Variants in PCDHA8 observed in about 807,000 individuals in gnomAD.
The protein encoded by PCDHA8 is protocadherin alpha 8, also known as protocadherin alpha-8.
Under a neutral mutation model 61.8 loss-of-function variants are expected in PCDHA8, and 53 were observed. That is an observed-to-expected ratio of 0.86 (90% CI 0.69 to 1.08). PCDHA8 has a LOEUF of 1.08. Ranked by LOEUF, PCDHA8 falls within the 50% of genes least tolerant of loss-of-function variation. PCDHA8 has a pLI of 0.00. For synonymous variants in PCDHA8, 618 were observed against 556.6 expected (o/e 1.11, Z -1.55); for missense variants, 1,293 against 1,245.0 (o/e 1.04, Z -0.58).
At position 141,011,465 on chromosome 5, in the gene PCDHA8, G is replaced by A. The variant is rs2098420693; in HGVS notation, c.*1528G>A. ...TGAACTTTAAGCTTTATTGTTGAAT[G>A]TAATTCCATTATATTTCCTTTTGTA... On this transcript the variant is annotated 3_prime_UTR_variant, in exon 4 of 4. Transcript: ENST00000531613. The A allele has an allele frequency of 6.5e-6, 1 of 153,770 alleles. No individual in the cohort carries two copies. The highest frequency in any genetic ancestry group is 2.4e-5 in the African/African-American group (1 of 41,452). The allele number at this position is 153,770 out of a possible 1,614,324, so 9.5% of individuals were successfully genotyped here.
chr5:140,988,512 T>TCC (rs2097301181), intron 3 of PCDHA8, among the ~76,000 whole-genome samples: 1 of 152,218 alleles, frequency 6.6e-6, no homozygotes, highest in Non-Finnish European at 1.5e-5. Flanking sequence ...TGAAGCTTAC[T>TCC]TAAGTCTCTG....
intron 1 of PCDHA8, among the ~76,000 whole-genome samples, chr5:140,947,744 TG>T (rs1227312993): frequency 6.6e-6 from 1 of 151,630 alleles, no homozygotes; most frequent in Non-Finnish European, 1.5e-5. Flanking sequence ...CCTATTCTTA[TG>T]TATTTTATGG....
Position 140,846,597 on chromosome 5 carries a change from A to C in PCDHA8, c.2394+2882A>C, listed in dbSNP as rs2150392674. 8.1e-5 allele frequency among the ~76,000 whole-genome samples: 12 copies of C among 148,550 alleles called. 1 individual carries two copies. The East Asian group carries it at 2.3e-3, about 29-fold the overall frequency. On this transcript the variant is annotated intron_variant, in intron 1 of 3. Coordinates refer to ENST00000531613, the MANE Select transcript of PCDHA8 (RefSeq NM_018911.3). ...CACCATGTTAGCCAGGATGGTCTCG[A>C]TCTCCTGACCTCCTGATCCGCCCAC...
At chr5:141,002,589 TC>T (rs1157810975) in intron 3 of PCDHA8, among the ~76,000 whole-genome samples, 1 of 152,140 alleles carries the variant, frequency 6.6e-6, no homozygotes, top group African/African-American at 2.4e-5. Context: ...TAGTCCTTAG[TC>T]CCCTCATCTA....
At chr5:140,861,758 T>C (rs1469300232) in intron 1 of PCDHA8, 1 of 93,472 alleles carries the variant, frequency 1.1e-5, no homozygotes, top group African/African-American at 4.7e-5. Context: ...TGATTATTTT[T>C]CCCTGGAAAT....
At chr5:140,919,387 G>A (rs180927321) in intron 1 of PCDHA8, among the ~76,000 whole-genome samples, 420 of 152,292 alleles carry the variant, frequency 2.8e-3, no homozygotes, top group Middle Eastern at 6.8e-3. Context: ...ATAGTTGGAT[G>A]TTGTTTTCCT....
chr5:140,900,081 G>T (rs1306300563), intron 1 of PCDHA8, among the ~76,000 whole-genome samples: 1 of 152,062 alleles, frequency 6.6e-6, no homozygotes, highest in African/African-American at 2.4e-5. Context: ...AAGTGCTGCA[G>T]TTACAAGCAT....
intron 1 of PCDHA8, among the ~76,000 whole-genome samples, chr5:140,892,327 C>T (rs1399330185): frequency 6.6e-6 from 1 of 152,154 alleles, no homozygotes; most frequent in Non-Finnish European, 1.5e-5. Flanking sequence ...TTTCTTTCTC[C>T]AGAATGGATT....
intron 1 of PCDHA8, among the ~76,000 whole-genome samples, chr5:140,885,980 C>T (rs888571995): frequency 6.6e-6 from 1 of 151,942 alleles, no homozygotes; most frequent in African/African-American, 2.4e-5. Flanking sequence ...ATTATAGATT[C>T]GCATGTGGTT....
chr5:140,875,642 C>T (rs2153326944), intron 1 of PCDHA8: 3 of 1,613,606 alleles, frequency 1.9e-6, no homozygotes, highest in East Asian at 4.5e-5. Context: ...CTGGAGCTGG[C>T]GGAGCTGGTG....
intron 1 of PCDHA8, among the ~76,000 whole-genome samples, chr5:140,959,893 T>A (rs782431808): frequency 6.6e-6 from 1 of 152,194 alleles, no homozygotes; most frequent in Non-Finnish European, 1.5e-5. Flanking sequence ...CGAGTGGGAT[T>A]TATATCAGAA....
chr5:140,933,211 CTG>C (rs1491057503), intron 1 of PCDHA8, among the ~76,000 whole-genome samples: 2 of 151,532 alleles, frequency 1.3e-5, no homozygotes, highest in Non-Finnish European at 3.0e-5. Context: ...AATTACATGT[CTG>C]TTATATTGCA....
intron 3 of PCDHA8, among the ~76,000 whole-genome samples, chr5:140,993,462 TCACACACACACACA>T (rs3836747): frequency 0.028 from 4,017 of 141,026 alleles, 179 homozygotes; most frequent in African/African-American, 0.099. Context: ...TCTTTCTTTC[TCACACACACACACA>T]CACACACACA....
intron 1 of PCDHA8, chr5:140,858,606 T>A: frequency 8.0e-7 from 1 of 1,257,634 alleles, no homozygotes; most frequent in Non-Finnish European, 1.1e-6. Flanking sequence ...GTTTTAAAAT[T>A]TTTTTATCCT....
chr5:141,007,395 CAAAAAAAAAAAAAAAA>C (rs35800918), intron 3 of PCDHA8, among the ~76,000 whole-genome samples: 1 of 94,866 alleles, frequency 1.1e-5, no homozygotes. Context: ...TACTAAAATA[CAAAAAAAAAAAAAAAA>C]AAAAAAATTA....
chr5:140,863,256 C>T (rs761621534), intron 1 of PCDHA8: 6 of 1,442,182 alleles, frequency 4.2e-6, no homozygotes, highest in Non-Finnish European at 4.7e-6. Flanking sequence ...GCGTCGAGGT[C>T]CGGGAGGCAG....
chr5:140,874,590 T>C (rs1345853316), intron 1 of PCDHA8, among the ~76,000 whole-genome samples: 11 of 152,248 alleles, frequency 7.2e-5, no homozygotes, highest in Non-Finnish European at 1.5e-4. Flanking sequence ...TTTGGGATAG[T>C]GTGAAATTTG....
At position 140,870,714 on chromosome 5, in the gene PCDHA8, C is replaced by A. The variant is rs2052324296; in HGVS notation, c.2394+26999C>A. On this transcript the variant is annotated intron_variant, in intron 1 of 3. Transcript: ENST00000531613. ...TGCTACAGTTCCAGGTGAGCGCGCG[C>A]GATGCGGGCGTGCCGCCTCTGAGCA... 6 of 1,612,992 alleles carry A rather than the reference C, an allele frequency of 3.7e-6. No individual in the cohort carries two copies. The African/African-American group carries it at 4.0e-5, about 11-fold the overall frequency.
chr5:140,887,537 C>T (rs530539711), intron 1 of PCDHA8, among the ~76,000 whole-genome samples: 5 of 152,250 alleles, frequency 3.3e-5, no homozygotes, highest in Admixed American at 1.3e-4. Context: ...TTCCTCTCCC[C>T]ACCCCTCATG....
Sources: gnomAD v4.1 joint callset for allele counts (sites outside exome capture counted in the v4.1 genomes callset) on GRCh38, gnomAD v4.1.1 for gene constraint, MANE v1.5 for transcripts, NCBI Gene and HGNC (gene_info 2026-07-23, HGNC 2026-07-21) for gene names.